PHACTR3: variants seen among roughly 807,000 people sequenced by gnomAD.
The protein encoded by PHACTR3 is phosphatase and actin regulator 3, also known as protein phosphatase 1, regulatory subunit 123.
PHACTR3 carries 16 observed loss-of-function variants against 66.8 expected under a neutral mutation model. The ratio of observed to expected loss-of-function variants is 0.24; its 90% CI spans 0.16 to 0.36. The LOEUF is 0.36. Ranked by LOEUF, PHACTR3 falls within the 10% of genes least tolerant of loss-of-function variation. The pLI is 1.00. For missense variants in PHACTR3, 647 were observed against 719.9 expected (o/e 0.90, Z 1.16); for synonymous variants, 323 against 292.1 (o/e 1.11, Z -1.08).
intron 7 of PHACTR3, among the ~76,000 whole-genome samples, chr20:59,782,688 C>G (rs1291771164): frequency 6.6e-6 from 1 of 152,204 alleles, no homozygotes; most frequent in East Asian, 1.9e-4. Flanking sequence ...GAGACTTATT[C>G]ACTACCACGA....
At chr20:59,771,588 C>A (rs1196546322) in intron 5 of PHACTR3, among the ~76,000 whole-genome samples, 1 of 152,074 alleles carries the variant, frequency 6.6e-6, no homozygotes, top group Non-Finnish European at 1.5e-5. Context: ...TCTCGCCCCC[C>A]TCCCTCCACC....
intron 1 of PHACTR3, among the ~76,000 whole-genome samples, chr20:59,725,964 G>A (rs1353572993): frequency 6.6e-6 from 1 of 152,148 alleles, no homozygotes; most frequent in East Asian, 1.9e-4. Context: ...TTGGGGTCAG[G>A]CCATGTGGAT....
chr20:59,703,224 TAC>T (rs2037571161), intron 1 of PHACTR3, among the ~76,000 whole-genome samples: 1 of 152,184 alleles, frequency 6.6e-6, no homozygotes, highest in Admixed American at 6.5e-5. Context: ...GTGAATTATC[TAC>T]AGTTAGGGAT....
rs1372369174 is a variant in PHACTR3 at position 59,847,449 on chromosome 20, G to T, written c.*319G>T. 2.5e-5 allele frequency: 6 copies of T among 243,758 alleles called. No individual in the cohort carries two copies. Among genetic ancestry groups the T allele is most frequent in the Non-Finnish European group, 4.8e-5 (6 of 125,532 alleles). The allele number at this position is 243,758 out of a possible 1,614,324, so 15.1% of individuals were successfully genotyped here. On this transcript the variant is annotated 3_prime_UTR_variant, in exon 13 of 13. Transcript: ENST00000371015. ...AGTTCTGCAGTGTAATGGAGGACGG[G>T]CAACGTGCATGTGCAGGCTCACCAC... is the stretch of plus-strand genomic sequence containing the variant.
intron 4 of PHACTR3, among the ~76,000 whole-genome samples, chr20:59,756,388 G>A (rs2039794628): frequency 6.6e-6 from 1 of 152,196 alleles, no homozygotes. Context: ...CTTCAGAGCG[G>A]GTGGACACCT....
At chr20:59,695,330 G>C (rs1450504790) in intron 1 of PHACTR3, among the ~76,000 whole-genome samples, 1 of 152,112 alleles carries the variant, frequency 6.6e-6, no homozygotes. Flanking sequence ...TAGTGAGTGT[G>C]TTCTTATGAG....
intron 1 of PHACTR3, among the ~76,000 whole-genome samples, chr20:59,703,135 C>T (rs990839249): frequency 3.8e-4 from 58 of 152,260 alleles, no homozygotes; most frequent in Middle Eastern, 3.4e-3. Context: ...TAGTTTTGAA[C>T]AGGTCCTGAA....
At chr20:59,815,809 C>A (rs80167136) in intron 8 of PHACTR3, among the ~76,000 whole-genome samples, 1 of 151,988 alleles carries the variant, frequency 6.6e-6, no homozygotes, top group Non-Finnish European at 1.5e-5. Flanking sequence ...CATGGGTCTG[C>A]GAACTGGATG....
chr20:59,695,934 T>C (rs866713500), intron 1 of PHACTR3, among the ~76,000 whole-genome samples: 1 of 152,128 alleles, frequency 6.6e-6, no homozygotes, highest in Admixed American at 6.5e-5. Flanking sequence ...GGTTTCTCCA[T>C]GTTGGCCAGG....
chr20:59,725,331 G>A (rs2038522230), intron 1 of PHACTR3, among the ~76,000 whole-genome samples: 1 of 152,110 alleles, frequency 6.6e-6, no homozygotes, highest in South Asian at 2.1e-4. Context: ...AGGTGGGTGT[G>A]AGCCCAGGTG....
intron 5 of PHACTR3, among the ~76,000 whole-genome samples, chr20:59,771,826 G>A (rs546930615): frequency 6.6e-6 from 1 of 152,222 alleles, no homozygotes; most frequent in Non-Finnish European, 1.5e-5. Flanking sequence ...TGGGTTTTGA[G>A]GAATACTTTT....
intron 7 of PHACTR3, among the ~76,000 whole-genome samples, chr20:59,779,705 C>T (rs2040657907): frequency 6.6e-6 from 1 of 152,228 alleles, no homozygotes; most frequent in African/African-American, 2.4e-5. Flanking sequence ...TTTTTGTGAA[C>T]TTCAGTTCTC....
At chr20:59,844,891 ATC>A in intron 11 of PHACTR3, 1 of 184,628 alleles carries the variant, frequency 5.4e-6, no homozygotes, top group Non-Finnish European at 1.1e-5. Flanking sequence ...TAAATACTTG[ATC>A]ATCACACAGT....
chr20:59,654,644 A>C (rs1162684483), intron 1 of PHACTR3, among the ~76,000 whole-genome samples: 1 of 152,150 alleles, frequency 6.6e-6, no homozygotes, highest in Non-Finnish European at 1.5e-5. Context: ...TTTTCAGGAA[A>C]TATGGAGGCT....
At chr20:59,578,259 G>A (rs1208576553) in intron 1 of PHACTR3, among the ~76,000 whole-genome samples, 1 of 152,242 alleles carries the variant, frequency 6.6e-6, no homozygotes, top group Non-Finnish European at 1.5e-5. Flanking sequence ...ACGGGGAGTG[G>A]CCTCAGGCCT....
chr20:59,843,509 T>C (rs947601302), intron 11 of PHACTR3: 5 of 152,086 alleles, frequency 3.3e-5, no homozygotes, highest in South Asian at 4.1e-4. Flanking sequence ...TGGAAAAGAA[T>C]AGAAAACCCA....
chr20:59,650,766 C>T (rs1248071650), intron 1 of PHACTR3, among the ~76,000 whole-genome samples: 4 of 140,176 alleles, frequency 2.9e-5, no homozygotes, highest in African/African-American at 1.1e-4. Context: ...AAAAAAGTCT[C>T]AGGGGTTGGG....
At chr20:59,600,210 T>A (rs1268424498), upstream of PHACTR3, among the ~76,000 whole-genome samples, 1 of 152,196 alleles carries the variant, frequency 6.6e-6, no homozygotes, top group Non-Finnish European at 1.5e-5. Context: ...TTCCAGAGCA[T>A]CACTTCTTCA....
intron 7 of PHACTR3, among the ~76,000 whole-genome samples, chr20:59,798,493 G>A (rs1039544550): frequency 6.6e-6 from 1 of 152,134 alleles, no homozygotes; most frequent in African/African-American, 2.4e-5. Context: ...ACTGCAGTGT[G>A]TATGTGCATG....
Sources: gnomAD v4.1 joint callset for allele counts (sites outside exome capture counted in the v4.1 genomes callset) on GRCh38, gnomAD v4.1.1 for gene constraint, MANE v1.5 for transcripts, NCBI Gene and HGNC (gene_info 2026-07-23, HGNC 2026-07-21) for gene names.